ATRN: variants seen among roughly 807,000 people sequenced by gnomAD.
ATRN encodes attractin-2.
Under a neutral mutation model 178.7 loss-of-function variants are expected in ATRN, and 54 were observed. The ratio of observed to expected loss-of-function variants is 0.30; its 90% CI spans 0.24 to 0.38. The LOEUF is 0.38. Ranked by LOEUF, ATRN falls within the 10% of genes least tolerant of loss-of-function variation. The probability of loss-of-function intolerance (pLI) is 1.00; values close to 1 mark genes in which losing one functional copy is unlikely to be tolerated. For missense variants in ATRN, 1,443 were observed against 1,815.1 expected (o/e 0.79, Z 3.73); for synonymous variants, 636 against 663.0 (o/e 0.96, Z 0.63).
chr20:3,526,247 A>G (rs1362131601), intron 1 of ATRN, among the ~76,000 whole-genome samples: 1 of 152,224 alleles, frequency 6.6e-6, no homozygotes, highest in Non-Finnish European at 1.5e-5. Flanking sequence ...GCATTCCTAT[A>G]CATCAATAAT....
rs553213592 is a variant in ATRN at position 3,471,316 on chromosome 20, C to A, written c.209C>A (p.Pro70Gln). The change falls in exon 1 of 29, where the codon CCG becomes CAG. Residue 70 changes from proline to glutamine, a missense_variant. Pro to Gln is a moderately conservative substitution (Grantham distance 76). Coordinates refer to ENST00000262919, the MANE Select transcript of ATRN (RefSeq NM_139321.3). ...RLLLLLLLLS[P>Q]PLLLLLLPCE... ...CTGCTGCTGCTGTTGTTGCTCTCGC[C>A]GCCGCTGCTGCTGCTGCTGCTGCCC... The A allele has an allele frequency of 2.0e-6, 3 of 1,483,180 alleles. No individual in the cohort carries two copies. The highest frequency in any genetic ancestry group is 1.3e-5 in the South Asian group (1 of 77,840). The allele number at this position is 1,483,180 out of a possible 1,614,324, so 91.9% of individuals were successfully genotyped here.
At chr20:3,607,463 G>A (rs1329693709) in intron 24 of ATRN, among the ~76,000 whole-genome samples, 5 of 146,648 alleles carry the variant, frequency 3.4e-5, no homozygotes, top group African/African-American at 1.2e-4. Flanking sequence ...ACATCTGAGT[G>A]AGAAAACATA....
At chr20:3,541,329 G>A (rs888342443) in intron 3 of ATRN, among the ~76,000 whole-genome samples, 3 of 151,290 alleles carry the variant, frequency 2.0e-5, no homozygotes, top group Non-Finnish European at 4.4e-5. Context: ...CGCCCGCCTC[G>A]GCCTCCCAAA....
At chr20:3,604,051 T>TC in intron 23 of ATRN, 54 bp from the exon 24 acceptor site, 2 of 1,471,158 alleles carry the variant, frequency 1.4e-6, no homozygotes, top group South Asian at 2.8e-5. Flanking sequence ...GATTCTGTTC[T>TC]CCCCCTAGCC....
rs537651936 is a variant in ATRN at position 3,639,053 on chromosome 20, C to A, written c.4050+118C>A. The A allele has an allele frequency of 1.1e-4, 75 of 706,726 alleles. No individual in the cohort carries two copies. In the African/African-American group the frequency reaches 1.3e-3, roughly 12 times the overall value. 43.8% of individuals were successfully genotyped at this position (706,726 alleles called of 1,614,324 possible). A position where few individuals can be genotyped will look rare whatever the true frequency, so the allele number is the denominator to read the frequency against. ...ATTACCTCCTTTTTTTCCTCTCTTT[C>A]TTTTTAACAATAAGCTAAAACCTGA... is the stretch of plus-strand genomic sequence containing the variant. On this transcript the variant is annotated intron_variant, in intron 27 of 28. Transcript: ENST00000262919.
intron 23 of ATRN, among the ~76,000 whole-genome samples, chr20:3,601,528 T>A (rs1183196246): frequency 6.6e-6 from 1 of 152,146 alleles, no homozygotes; most frequent in Non-Finnish European, 1.5e-5. Context: ...TCTGCCTTAC[T>A]GTGATTCACT....
chr20:3,564,456 A>G (rs2086001412), intron 10 of ATRN, among the ~76,000 whole-genome samples: 1 of 152,192 alleles, frequency 6.6e-6, no homozygotes, highest in African/African-American at 2.4e-5. Context: ...AGACCGGCAC[A>G]TATTTAAGGG....
chr20:3,517,678 A>G (rs1346887995), intron 1 of ATRN, among the ~76,000 whole-genome samples: 1 of 150,780 alleles, frequency 6.6e-6, no homozygotes, highest in East Asian at 1.9e-4. Flanking sequence ...GGCTGAGGCA[A>G]GAGAATTGCT....
At chr20:3,478,169 T>G (rs1481624580) in intron 1 of ATRN, among the ~76,000 whole-genome samples, 1 of 152,214 alleles carries the variant, frequency 6.6e-6, no homozygotes. Flanking sequence ...TGTTGCACTT[T>G]TACTGTTTTC....
Position 3,634,375 on chromosome 20 carries a change from T to A in ATRN, c.3928T>A (p.Ser1310Thr). 6.2e-7 allele frequency: 1 copy of A among 1,612,930 alleles called. No homozygotes were observed. Among genetic ancestry groups the A allele is most frequent in the Non-Finnish European group, 8.5e-7 (1 of 1,179,086 alleles). Residue 1310 changes from serine (S) to threonine (T), a missense_variant, in exon 26 of 29, where the codon TCC becomes ACC. By Grantham distance (58) the Ser-to-Thr change is moderately conservative. Around this residue, in one of 4 missense-constraint regions of ATRN, gnomAD observed 289 missense variants for 440.8 expected, o/e 0.66. Coordinates refer to ENST00000262919, the MANE Select transcript of ATRN (RefSeq NM_139321.3). ...VWKIKQSCWASRRREQLLREM... is the reference protein window; with the variant it reads ...VWKIKQSCWATRRREQLLREM... Reference sequence around the variant, plus strand: ...GAAGATCAAACAAAGTTGTTGGGCCTCCAGACGTAGAGAGGTAAGCTTCAG... The same window carrying A: ...GAAGATCAAACAAAGTTGTTGGGCCACCAGACGTAGAGAGGTAAGCTTCAG...
intron 1 of ATRN, among the ~76,000 whole-genome samples, chr20:3,499,440 A>G (rs984979194): frequency 2.7e-5 from 4 of 146,946 alleles, no homozygotes; most frequent in Admixed American, 2.0e-4. Flanking sequence ...ACTATACTAC[A>G]AGGCTACAGT....
chr20:3,562,664 T>C (rs1178904578), intron 9 of ATRN, among the ~76,000 whole-genome samples: 1 of 152,254 alleles, frequency 6.6e-6, no homozygotes, highest in Admixed American at 6.5e-5. Context: ...TGTAGCAGGT[T>C]GGTTAGAAAA....
chr20:3,543,598 G>A (rs562623307), intron 3 of ATRN, among the ~76,000 whole-genome samples: 36 of 152,092 alleles, frequency 2.4e-4, no homozygotes, highest in African/African-American at 6.5e-4. Context: ...GGTGGGGTGC[G>A]CCTGTAATCC....
intron 1 of ATRN, among the ~76,000 whole-genome samples, chr20:3,517,569 G>A (rs6051910): frequency 0.021 from 3,165 of 148,716 alleles, 114 homozygotes; most frequent in African/African-American, 0.074. Flanking sequence ...TCACAAGTTC[G>A]AGACCAGCCT....
chr20:3,614,557 C>T (rs954892525), intron 24 of ATRN, among the ~76,000 whole-genome samples: 3 of 152,164 alleles, frequency 2.0e-5, no homozygotes, highest in African/African-American at 7.2e-5. Flanking sequence ...TTTATGGGTG[C>T]TAACAGGATC....
rs140193658 is a variant in ATRN, at chr20:3,562,211, G to A, written c.1448-65G>A. 3.0e-5 allele frequency: 42 copies of A among 1,378,574 alleles called. 1 individual carries two copies. In the Middle Eastern group the frequency reaches 9.9e-4, roughly 32 times the overall value. The allele number at this position is 1,378,574 out of a possible 1,614,324, so 85.4% of individuals were successfully genotyped here. ...TCCATTCTCATGCCCTAAGCTCTTT[G>A]GACATTTTCAGTAGTAGAGAGGAGG... On this transcript the variant is annotated intron_variant, in intron 8 of 28. Transcript: ENST00000262919.
chr20:3,534,351 G>C (rs1168200736), intron 1 of ATRN, among the ~76,000 whole-genome samples: 1 of 152,150 alleles, frequency 6.6e-6, no homozygotes, highest in African/African-American at 2.4e-5. Flanking sequence ...GTTGTTACTG[G>C]TAATAGCAAG....
chr20:3,489,516 A>G (rs2084751910), intron 1 of ATRN: 1 of 1,357,610 alleles, frequency 7.4e-7, no homozygotes, highest in African/African-American at 1.4e-5. Flanking sequence ...AAGCTGAGCT[A>G]CATCCCTGAG....
At chr20:3,578,991 A>T (rs1425567217) in intron 15 of ATRN, among the ~76,000 whole-genome samples, 2 of 152,154 alleles carry the variant, frequency 1.3e-5, no homozygotes, top group Non-Finnish European at 1.5e-5. Context: ...ATGAATAATT[A>T]TATGGGGGAT....
Sources: allele counts gnomAD v4.1 joint callset (sites outside exome capture counted in the v4.1 genomes callset), GRCh38; gene constraint gnomAD v4.1.1; regional missense constraint gnomAD v4.1.1; transcripts MANE v1.5; gene names NCBI Gene and HGNC (gene_info 2026-07-23, HGNC 2026-07-21).